Variants in ACACA observed in about 807,000 individuals in gnomAD.
The protein encoded by ACACA is acetyl-CoA carboxylase alpha.
In ACACA, 103 loss-of-function variants were observed where a neutral mutation model predicts 296.1. That is an observed-to-expected ratio of 0.35 (90% confidence interval 0.30 to 0.41). The LOEUF is 0.41. Among genes scored for constraint, ACACA ranks in the 10% least tolerant of loss-of-function variants. The pLI is 1.00. For missense variants in ACACA, 1,554 were observed against 2,989.7 expected (o/e 0.52, Z 11.20); for synonymous variants, 953 against 1,038.6 (o/e 0.92, Z 1.58).
chr17:37,136,167 C>CAA (rs2075323454), intron 45 of ACACA, among the ~76,000 whole-genome samples: 1 of 152,010 alleles, frequency 6.6e-6, no homozygotes, highest in African/African-American at 2.4e-5. Context: ...ATAACCACCA[C>CAA]AACAATCAAG....
intron 29 of ACACA, among the ~76,000 whole-genome samples, chr17:37,210,801 G>A (rs1007661372): frequency 6.7e-6 from 1 of 148,280 alleles, no homozygotes; most frequent in African/African-American, 2.5e-5. Context: ...TAAAACACAG[G>A]CTGATGAAAA....
chr17:37,087,748 T>C (rs1189109620), intron 55 of ACACA, among the ~76,000 whole-genome samples: 1 of 152,142 alleles, frequency 6.6e-6, no homozygotes, highest in Non-Finnish European at 1.5e-5. Context: ...CAATGAATTA[T>C]AAATCAGTAA....
Position 37,129,365 on chromosome 17 carries a change from T to G in ACACA, c.5944A>C (p.Thr1982Pro). 6.2e-7 allele frequency: 1 copy of G among 1,614,014 alleles called. No homozygotes were observed. Among genetic ancestry groups the G allele is most frequent in the Non-Finnish European group, 8.5e-7 (1 of 1,179,970 alleles). The change falls in exon 47 of 56, where the codon ACC (threonine) becomes CCC (proline). Residue 1982 changes from threonine (T) to proline (P), a missense_variant and splice_region_variant. This residue lies in a region of ACACA where 553 missense variants were observed against 1,043.6 expected (regional missense o/e 0.53). Transcript: ENST00000616317. ...ATGGGGTCCTCAAACATATACATAC[T>G]TGGGTGAGGACGGCCTGCTAGCATC... ...RWMLAGRPHP[T>P]QKGQWLSGFF...
At chr17:37,355,707 A>G (rs1289199880) in intron 1 of ACACA, among the ~76,000 whole-genome samples, 1 of 151,584 alleles carries the variant, frequency 6.6e-6, no homozygotes, top group Non-Finnish European at 1.5e-5. Context: ...AATACAAAAA[A>G]ATTAGCCAGG....
rs1174864818 is a variant in ACACA, at chr17:37,126,206, C to A, written c.5945-412G>T. 1.1e-4 allele frequency among the ~76,000 whole-genome samples: 17 copies of A among 152,250 alleles called. No individual in the cohort carries two copies. The East Asian group carries it at 2.5e-3, about 22-fold the overall frequency. The stretch of plus-strand genomic sequence containing the variant: ...TGCCTTACAATTTTGTTTGATTCCA[C>A]TGACTTTCTTTTAACTGAAGGCTAA... On this transcript the variant is annotated intron_variant, in intron 47 of 55. Transcript: ENST00000616317.
intron 38 of ACACA, among the ~76,000 whole-genome samples, chr17:37,190,269 A>G (rs2077698708): frequency 6.6e-6 from 1 of 152,044 alleles, no homozygotes; most frequent in Admixed American, 6.5e-5. Context: ...TTTCTACTAA[A>G]AATACAAAAA....
Position 37,200,446 on chromosome 17 carries a change from G to T in ACACA, c.4094C>A (p.Thr1365Asn), listed in dbSNP as rs1208803416. The change falls in exon 34 of 56, where the codon ACT (threonine) becomes AAT (asparagine). Residue 1365 changes from threonine to asparagine, a missense_variant. Around this residue, in one of 16 missense-constraint regions of ACACA, gnomAD observed 179 missense variants for 283.2 expected, o/e 0.63. Transcript: ENST00000616317. ...CAGTACCTTTTGTGCAACCAGGAAAGTAAGGCGCCGGATCCCATGGTCAAC... is the reference window on the plus strand; with the variant it reads ...CAGTACCTTTTGTGCAACCAGGAAATTAAGGCGCCGGATCCCATGGTCAAC... The part of the protein sequence containing the change: ...TLVDHGIRRL[T>N]FLVAQKDFRK... 1 of 1,613,176 alleles carries T rather than the reference G, an allele frequency of 6.2e-7. No individual in the cohort carries two copies. Among genetic ancestry groups the T allele is most frequent in the Non-Finnish European group, 8.5e-7 (1 of 1,179,246 alleles).
chr17:37,109,633 T>C (rs2073874599), intron 52 of ACACA, among the ~76,000 whole-genome samples: 1 of 152,220 alleles, frequency 6.6e-6, no homozygotes, highest in Non-Finnish European at 1.5e-5. Flanking sequence ...AGATGATTTG[T>C]AACAAATGAT....
At chr17:37,359,072 G>A (rs1056942881) in intron 1 of ACACA, 14 of 985,840 alleles carry the variant, frequency 1.4e-5, no homozygotes, top group Middle Eastern at 5.2e-4. Flanking sequence ...GGGAGGAGAC[G>A]CCGGCGGCTC....
In ACACA at chr17:37,313,275, G is replaced by A. The variant is rs2046936092; in HGVS notation, c.338+16898C>T. 4.0e-5 allele frequency among the ~76,000 whole-genome samples: 6 copies of A among 151,500 alleles called. No individual in the cohort carries two copies. In the South Asian group the frequency reaches 1.0e-3, roughly 26 times the overall value. ...TTTACCTCCTGCACATCCTGCAGGT[G>A]TACCCCATAACTTAAAATAGAAGTT... is the stretch of plus-strand genomic sequence containing the variant. On this transcript the variant is annotated intron_variant, in intron 3 of 55. Coordinates refer to ENST00000616317, the MANE Select transcript of ACACA (RefSeq NM_198834.3).
chr17:37,301,924 G>A (rs975501721), intron 3 of ACACA, among the ~76,000 whole-genome samples: 2 of 152,062 alleles, frequency 1.3e-5, no homozygotes, highest in African/African-American at 2.4e-5. Context: ...ACAATATTGA[G>A]TCCTCTAATC....
At chr17:37,350,138 A>G (rs949707953) in intron 1 of ACACA, among the ~76,000 whole-genome samples, 11 of 152,138 alleles carry the variant, frequency 7.2e-5, no homozygotes, top group African/African-American at 2.4e-4. Flanking sequence ...AGGCTGGGCA[A>G]CAAAGTGAGA....
At position 37,185,228 on chromosome 17, in the gene ACACA, A is replaced by G. The variant is rs77188142; in HGVS notation, c.4776+3049T>C. 2.6e-5 allele frequency among the ~76,000 whole-genome samples: 4 copies of G among 152,180 alleles called. No homozygotes were observed. In the East Asian group the frequency reaches 7.7e-4, roughly 29 times the overall value. On this transcript the variant is annotated intron_variant, in intron 39 of 55. Coordinates refer to ENST00000616317, the MANE Select transcript of ACACA (RefSeq NM_198834.3). ...TATTATAAGTAAATTGCACTTCAAT[A>G]AAGGTGTTATTTATTATTTTTAGAG... is the stretch of plus-strand genomic sequence containing the variant.
intron 26 of ACACA, chr17:37,225,346 G>C: frequency 2.1e-6 from 1 of 472,912 alleles, no homozygotes; most frequent in Non-Finnish European, 3.8e-6. Flanking sequence ...TGGTGGGTAG[G>C]GGGAAGGGAG....
At chr17:37,159,427 A>G (rs1406715728) in intron 42 of ACACA, among the ~76,000 whole-genome samples, 136 of 152,124 alleles carry the variant, frequency 8.9e-4, no homozygotes, top group African/African-American at 3.1e-3. Flanking sequence ...TCGCTATGTT[A>G]GCCAGGCTGA....
At chr17:37,242,613 C>T (rs905409751) in intron 22 of ACACA, among the ~76,000 whole-genome samples, 6 of 152,100 alleles carry the variant, frequency 3.9e-5, no homozygotes, top group African/African-American at 1.4e-4. Flanking sequence ...CATCTGTAGT[C>T]CCAGCTACCT....
chr17:37,102,137 T>C (rs2073395717), intron 52 of ACACA, among the ~76,000 whole-genome samples: 1 of 152,136 alleles, frequency 6.6e-6, no homozygotes, highest in Middle Eastern at 3.2e-3. Flanking sequence ...AGGGTGTCTA[T>C]TTTACAGGTA....
Position 37,195,726 on chromosome 17 carries a change from A to C in ACACA, c.4159-2311T>G, listed in dbSNP as rs183329304. On this transcript the variant is annotated intron_variant, in intron 35 of 55. Coordinates refer to ENST00000616317, the MANE Select transcript of ACACA (RefSeq NM_198834.3). ...CACTCAAAAACCACAGAATCACAGAAAACACAGAAAAGAAGAAATCTAAAA... is the reference window on the plus strand; with the variant it reads ...CACTCAAAAACCACAGAATCACAGACAACACAGAAAAGAAGAAATCTAAAA... 4.3e-3 allele frequency among the ~76,000 whole-genome samples: 660 copies of C among 152,262 alleles called. 5 individuals are homozygous for C. The highest frequency in any genetic ancestry group is 0.015 in the African/African-American group (632 of 41,552).
At chr17:37,107,795 A>T (rs898823775) in intron 52 of ACACA, among the ~76,000 whole-genome samples, 3 of 152,230 alleles carry the variant, frequency 2.0e-5, no homozygotes, top group Non-Finnish European at 4.4e-5. Context: ...TGGGCTGGAC[A>T]GTTCTCTCTC....
Sources: allele counts gnomAD v4.1 joint callset (sites outside exome capture counted in the v4.1 genomes callset), GRCh38; gene constraint gnomAD v4.1.1; regional missense constraint gnomAD v4.1.1; transcripts MANE v1.5; gene names NCBI Gene and HGNC (gene_info 2026-07-23, HGNC 2026-07-21).